The following HTR1E variants were observed in gnomAD, a reference collection of about 807,000 sequenced individuals.
HTR1E encodes the protein 5-HT-1E.
Under a neutral mutation model 3.4 loss-of-function variants are expected in HTR1E, and 3 were observed. That is an observed-to-expected ratio of 0.89 (90% CI 0.41 to 2.31). HTR1E has a LOEUF of 2.31. HTR1E is among the 30% of genes most tolerant of loss of function. HTR1E has a pLI of 0.05. For synonymous variants in HTR1E, 170 were observed against 182.8 expected, an observed-to-expected ratio of 0.93 and a Z score of 0.56; for missense variants, 392 against 467.0, an observed-to-expected ratio of 0.84 and a Z score of 1.48.
Position 86,995,292 on chromosome 6 carries a change from T to TAATAAATAAATAAATA in HTR1E, c.-185-19839_-185-19824dup, listed in dbSNP as rs71014980. On this transcript the variant is annotated intron_variant, in intron 1 of 1. Coordinates refer to ENST00000305344, the MANE Select transcript of HTR1E (RefSeq NM_000865.3). ...ATAGCAAGACCTCATCTCTATAATA[T>TAATAAATAAATAAATA]AATAAATAAATAAATAAATAAATAA... Among the ~76,000 whole-genome samples the TAATAAATAAATAAATA allele has an allele frequency of 7.7e-3, 1,107 of 144,116 alleles. 7 individuals carry two copies. The highest frequency in any genetic ancestry group is 0.018 in the African/African-American group (686 of 38,132). 94.5% of individuals were successfully genotyped at this position (144,116 alleles called of 152,430 possible).
rs747708032 is a variant in HTR1E, at chr6:87,016,129, C to T, written c.795C>T (p.Ile265=). The T allele has an allele frequency of 2.5e-6, 4 of 1,613,774 alleles. No individual in the cohort carries two copies. The highest frequency in any genetic ancestry group is 3.4e-6 in the Non-Finnish European group (4 of 1,179,776). ...AAAAGTTCCATGCCTCCATCAGGATCCCCCCCTTCGACAATGATCTAGATC... is the reference window on the plus strand; with the variant it reads ...AAAAGTTCCATGCCTCCATCAGGATTCCCCCCTTCGACAATGATCTAGATC... ...EFEKFHASIR[I]PPFDNDLDHP... The change falls in exon 2 of 2, where the codon ATC becomes ATT. Residue 265 remains isoleucine, a synonymous_variant. Coordinates refer to ENST00000305344, the MANE Select transcript of HTR1E (RefSeq NM_000865.3).
At chr6:86,942,772 T>C (rs902646728) in intron 1 of HTR1E, among the ~76,000 whole-genome samples, 2 of 152,250 alleles carry the variant, frequency 1.3e-5, no homozygotes, top group Non-Finnish European at 2.9e-5. Flanking sequence ...TCTAAGACCA[T>C]CAAGGTTTTA....
intron 1 of HTR1E, among the ~76,000 whole-genome samples, chr6:86,967,409 C>T (rs72912472): frequency 0.029 from 4,352 of 152,038 alleles, 108 homozygotes; most frequent in Non-Finnish European, 0.042. Flanking sequence ...AATTATTGCA[C>T]CTTTATTTAG....
rs1030904373 is a variant in HTR1E, at chr6:86,942,442, T to C, written c.-186+4619T>C. Reference sequence around the variant, plus strand: ...TTTGTTACCTAACACAAGAATTTGATATACAGTCATCCATAAACACTATCC... The same window carrying C: ...TTTGTTACCTAACACAAGAATTTGACATACAGTCATCCATAAACACTATCC... On this transcript the variant is annotated intron_variant, in intron 1 of 1. Coordinates refer to ENST00000305344, the MANE Select transcript of HTR1E (RefSeq NM_000865.3). Among the ~76,000 whole-genome samples the C allele has an allele frequency of 4.6e-5, 7 of 152,218 alleles. No individual in the cohort carries two copies. The East Asian group carries it at 1.2e-3, about 25-fold the overall frequency.
intron 1 of HTR1E, among the ~76,000 whole-genome samples, chr6:86,997,540 C>T (rs942098542): frequency 7.3e-5 from 11 of 151,414 alleles, no homozygotes; most frequent in Non-Finnish European, 1.6e-4. Flanking sequence ...TTTTTATATC[C>T]TAAAAATATA....
chr6:86,971,003 G>C, intron 1 of HTR1E: 3 of 447,004 alleles, frequency 6.7e-6, no homozygotes, highest in South Asian at 3.7e-5. Context: ...GGCATCATCT[G>C]CTTGGAGGAT....
intron 1 of HTR1E, among the ~76,000 whole-genome samples, chr6:86,984,991 T>C (rs72914412): frequency 0.04 from 6,038 of 152,228 alleles, 155 homozygotes; most frequent in African/African-American, 0.045. Flanking sequence ...ACAAACACCA[T>C]CAAGCAAGAA....
intron 1 of HTR1E, among the ~76,000 whole-genome samples, chr6:87,011,866 A>G (rs1168809316): frequency 2.0e-5 from 3 of 151,332 alleles, no homozygotes; most frequent in Non-Finnish European, 4.4e-5. Context: ...AAAGGGTTAG[A>G]AAAAAAAATG....
At chr6:87,002,151 T>G (rs2127830547) in intron 1 of HTR1E, among the ~76,000 whole-genome samples, 1 of 152,366 alleles carries the variant, frequency 6.6e-6, no homozygotes, top group South Asian at 2.1e-4. Context: ...TCTCCCTGAC[T>G]TCAGGAATGA....
chr6:86,982,983 G>A (rs1486232917), intron 1 of HTR1E, among the ~76,000 whole-genome samples: 1 of 152,160 alleles, frequency 6.6e-6, no homozygotes, highest in Non-Finnish European at 1.5e-5. Flanking sequence ...TGCAAAAGAG[G>A]AGCTTCCTTA....
At chr6:87,015,046 A>G (rs1582288312) in intron 1 of HTR1E, 104 bp from the exon 2 acceptor site, 1 of 210,384 alleles carries the variant, frequency 4.8e-6, no homozygotes. Flanking sequence ...CAGGAAAGAG[A>G]AAATTAAAAT....
At chr6:86,969,868 T>A (rs1767525128) in intron 1 of HTR1E, among the ~76,000 whole-genome samples, 1 of 152,150 alleles carries the variant, frequency 6.6e-6, no homozygotes. Flanking sequence ...ACAGTGGAAC[T>A]TGGCCTGGGG....
At chr6:86,952,382 G>A (rs558118961) in intron 1 of HTR1E, among the ~76,000 whole-genome samples, 14 of 152,198 alleles carry the variant, frequency 9.2e-5, no homozygotes, top group Admixed American at 7.9e-4. Context: ...CATAGGTGCT[G>A]GGAATCTAGT....
intron 1 of HTR1E, among the ~76,000 whole-genome samples, chr6:87,009,074 T>G (rs1297901544): frequency 6.6e-6 from 1 of 151,796 alleles, no homozygotes; most frequent in Non-Finnish European, 1.5e-5. Flanking sequence ...TTTTAATTTA[T>G]TTTTTTATTG....
intron 1 of HTR1E, among the ~76,000 whole-genome samples, chr6:86,997,000 A>G (rs1248450269): frequency 6.6e-6 from 1 of 152,064 alleles, no homozygotes; most frequent in Non-Finnish European, 1.5e-5. Flanking sequence ...AGCAATATAT[A>G]AAAAGAATTA....
chr6:86,971,956 A>G (rs1486705089), intron 1 of HTR1E, among the ~76,000 whole-genome samples: 1 of 147,554 alleles, frequency 6.8e-6, no homozygotes, highest in Non-Finnish European at 1.5e-5. Flanking sequence ...AAATTTACTT[A>G]GTGTAATCTA....
intron 1 of HTR1E, chr6:86,970,851 T>A (rs189363751): frequency 1.2e-5 from 3 of 251,330 alleles, no homozygotes; most frequent in African/African-American, 6.8e-5. Context: ...GTTAACATAC[T>A]GAGGCTTGTA....
intron 1 of HTR1E, among the ~76,000 whole-genome samples, chr6:86,968,248 GA>G (rs1224554091): frequency 6.6e-6 from 1 of 152,052 alleles, no homozygotes; most frequent in African/African-American, 2.4e-5. Flanking sequence ...TTTTGTTTCT[GA>G]AAAATTCTGC....
rs1254273045 is a variant in HTR1E at position 86,955,716 on chromosome 6, G to A, written c.-186+17893G>A. On this transcript the variant is annotated intron_variant, in intron 1 of 1. Transcript: ENST00000305344. ...ATAACAGAATGCTATGTGTAGGCTT[G>A]AGTGAGTGAGAGAGAGTGTGTGTGT... Among the ~76,000 whole-genome samples the A allele has an allele frequency of 3.4e-5, 5 of 145,594 alleles. No individual in the cohort carries two copies. The East Asian group carries it at 1.0e-3, about 30-fold the overall frequency.
Sources: gnomAD v4.1 joint callset for allele counts (sites outside exome capture counted in the v4.1 genomes callset) on GRCh38, gnomAD v4.1.1 for gene constraint, MANE v1.5 for transcripts, NCBI Gene and HGNC (gene_info 2026-07-23, HGNC 2026-07-21) for gene names.